The following PRKRA variants were observed in gnomAD, a reference collection of about 807,000 sequenced individuals.
PRKRA encodes protein activator of interferon induced protein kinase EIF2AK2.
Under a neutral mutation model 32.4 loss-of-function variants are expected in PRKRA, and 22 were observed. The ratio of observed to expected loss-of-function variants is 0.68; its 90% CI spans 0.49 to 0.97. PRKRA has a LOEUF of 0.97. Among genes scored for constraint, PRKRA ranks in the 50% least tolerant of loss-of-function variants. The pLI is 0.00. For missense variants in PRKRA, 319 were observed against 375.6 expected (o/e 0.85, Z 1.25); for synonymous variants, 139 against 129.8 (o/e 1.07, Z -0.48).
Position 178,436,311 on chromosome 2 carries a change from T to C in PRKRA, c.618A>G (p.Val206=). The change falls in exon 7 of 8, where the codon GTA becomes GTG. Residue 206 remains valine (V), a synonymous_variant. Coordinates refer to ENST00000325748, the MANE Select transcript of PRKRA (RefSeq NM_003690.5). ...SPENHISLTN[V]VGHSLGCTWH... Reference sequence around the variant, plus strand: ...AAGTACATCCTAAAGAATGTCCTACTACATTTGTCTGAAAAACAGAGATGA... The same window carrying C: ...AAGTACATCCTAAAGAATGTCCTACCACATTTGTCTGAAAAACAGAGATGA... The C allele has an allele frequency of 6.2e-7, 1 of 1,613,412 alleles. No individual in the cohort carries two copies. Among genetic ancestry groups the C allele is most frequent in the Non-Finnish European group, 8.5e-7 (1 of 1,179,694 alleles).
intron 4 of PRKRA, 42 bp downstream of exon 4, chr2:178,444,378 CTT>C (rs1559357029): frequency 8.7e-7 from 1 of 1,147,376 alleles, no homozygotes; most frequent in Non-Finnish European, 1.2e-6. Flanking sequence ...ACATTACAAA[CTT>C]ATTATATATT....
intron 7 of PRKRA, among the ~76,000 whole-genome samples, chr2:178,434,318 TC>T (rs978207579): frequency 2.0e-5 from 3 of 151,888 alleles, no homozygotes; most frequent in Admixed American, 1.3e-4. Context: ...ACCGTGTTGG[TC>T]AGGCTGGTCT....
At chr2:178,435,383 C>CAAAAA (rs765962501) in intron 7 of PRKRA, among the ~76,000 whole-genome samples, 4 of 61,436 alleles carry the variant, frequency 6.5e-5, no homozygotes, top group Non-Finnish European at 1.0e-4. Context: ...TACTCCGTCT[C>CAAAAA]AAAAAAAAAA....
At chr2:178,440,764 A>G (rs1376273555) in intron 6 of PRKRA, among the ~76,000 whole-genome samples, 1 of 152,138 alleles carries the variant, frequency 6.6e-6, no homozygotes, top group Non-Finnish European at 1.5e-5. Flanking sequence ...AATTTCACTC[A>G]CTTACCATAA....
chr2:178,433,007 GATTT>G (rs1474763860), intron 7 of PRKRA, among the ~76,000 whole-genome samples: 1 of 152,158 alleles, frequency 6.6e-6, no homozygotes, highest in African/African-American at 2.4e-5. Flanking sequence ...TGTGCGGTAT[GATTT>G]ATTTGAAGTA....
chr2:178,451,109 G>A lies in PRKRA; in HGVS notation c.-79C>T, dbSNP rs1410237530. 4 of 1,476,498 alleles carry A rather than the reference G, an allele frequency of 2.7e-6. No individual in the cohort carries two copies. Among genetic ancestry groups the A allele is most frequent in the South Asian group, 1.3e-5 (1 of 79,482 alleles). The allele number at this position is 1,476,498 out of a possible 1,614,324, so 91.5% of individuals were successfully genotyped here. A position where few individuals can be genotyped will look rare whatever the true frequency, so the allele number is the denominator to read the frequency against. On this transcript the variant is annotated 5_prime_UTR_variant, in exon 1 of 8. Coordinates refer to ENST00000325748, the MANE Select transcript of PRKRA (RefSeq NM_003690.5). ...TCGCTCCCCGGGTCGCTGGTCCCCG[G>A]GAGGAGCTCCAGCGCCGCCACCTCC...
intron 7 of PRKRA, 75 bp from the exon 8 acceptor site, chr2:178,432,329 ATTC>A: frequency 7.7e-7 from 1 of 1,294,048 alleles, no homozygotes. Flanking sequence ...AAACAATACA[ATTC>A]TTATTATTGT....
chr2:178,441,887 C>CTTTTTTTTT (rs541455452), intron 5 of PRKRA, among the ~76,000 whole-genome samples, 183 bp from the exon 6 acceptor site: 1 of 131,748 alleles, frequency 7.6e-6, no homozygotes, highest in Non-Finnish European at 1.6e-5. Context: ...GCTATTAATT[C>CTTTTTTTTT]TTTTTTTTTT....
intron 1 of PRKRA, 168 bp from the exon 2 acceptor site, chr2:178,450,579 T>C (rs1697551326): frequency 1.1e-5 from 16 of 1,502,194 alleles, no homozygotes; most frequent in Non-Finnish European, 1.4e-5. Flanking sequence ...CCGGCCCCGC[T>C]GCGGCAGTCA....
Position 178,431,796 on chromosome 2 carries a change from TA to T in PRKRA, c.*300del. 5 of 415,940 alleles carry T rather than the reference TA, an allele frequency of 1.2e-5. No homozygotes were observed. In the South Asian group the frequency reaches 1.3e-4, roughly 11 times the overall value. The allele number at this position is 415,940 out of a possible 1,614,324, so 25.8% of individuals were successfully genotyped here. ...TAAGAAAGACTGTCGCTAGCATTTT[TA>T]TTTCATCATCAACAACAAACATGCA... On this transcript the variant is annotated 3_prime_UTR_variant, in exon 8 of 8. Coordinates refer to ENST00000325748, the MANE Select transcript of PRKRA (RefSeq NM_003690.5).
At position 178,444,465 on chromosome 2, in the gene PRKRA, G is replaced by T; in HGVS notation, c.353C>A (p.Ser118Tyr). The change falls in exon 4 of 8, where the codon TCC becomes TAC. Residue 118 changes from serine to tyrosine, a missense_variant. Coordinates refer to ENST00000325748, the MANE Select transcript of PRKRA (RefSeq NM_003690.5). ...AVPDPLMPDP[S>Y]KQPKNQLNPI... ...ATTAAGCTGGTTCTTTGGTTGCTTGGAAGGGTCAGGCATTAAGGGGTCAGG... is the reference window on the plus strand; with the variant it reads ...ATTAAGCTGGTTCTTTGGTTGCTTGTAAGGGTCAGGCATTAAGGGGTCAGG... 1.2e-6 allele frequency: 2 copies of T among 1,607,246 alleles called. No homozygotes were observed. The highest frequency in any genetic ancestry group is 2.2e-5 in the East Asian group (1 of 44,844).
intron 2 of PRKRA, among the ~76,000 whole-genome samples, 175 bp from the exon 3 acceptor site, chr2:178,447,761 G>C (rs1393332764): frequency 6.6e-6 from 1 of 151,836 alleles, no homozygotes; most frequent in Non-Finnish European, 1.5e-5. Context: ...TATACTACAT[G>C]GTTATATACT....
intron 7 of PRKRA, 78 bp from the exon 8 acceptor site, chr2:178,432,332 C>T: frequency 7.8e-7 from 1 of 1,284,850 alleles, no homozygotes; most frequent in East Asian, 4.2e-5. Flanking sequence ...CAATACAATT[C>T]TTATTATTGT....
At position 178,437,094 on chromosome 2, in the gene PRKRA, C is replaced by T. The variant is rs1273183806; in HGVS notation, c.610-775G>A. 2.0e-5 allele frequency among the ~76,000 whole-genome samples: 3 copies of T among 151,902 alleles called. No homozygotes were observed. In the East Asian group the frequency reaches 5.8e-4, roughly 29 times the overall value. On this transcript the variant is annotated intron_variant, in intron 6 of 7. Transcript: ENST00000325748. ...CTTAATATTGTTTTATTAATGAGCA[C>T]GACAGAGGGGAGGCAATTTCCAAAA...
intron 5 of PRKRA, among the ~76,000 whole-genome samples, chr2:178,442,008 C>T (rs1343400544): frequency 6.6e-6 from 1 of 151,638 alleles, no homozygotes; most frequent in African/African-American, 2.4e-5. Context: ...GCTTCAGCCT[C>T]CCAAGTAGAT....
chr2:178,432,039 A>G lies in PRKRA; in HGVS notation c.*58T>C. The G allele has an allele frequency of 6.3e-7, 1 of 1,576,158 alleles. No homozygotes were observed. Among genetic ancestry groups the G allele is most frequent in the Non-Finnish European group, 8.7e-7 (1 of 1,148,150 alleles). Reference sequence around the variant, plus strand: ...ACTACGGTAAAAGTTTTACTTGGGAAGGGGCCAGAGGGGAACTTTTTATGT... The same window carrying G: ...ACTACGGTAAAAGTTTTACTTGGGAGGGGGCCAGAGGGGAACTTTTTATGT... On this transcript the variant is annotated 3_prime_UTR_variant, in exon 8 of 8. Coordinates refer to ENST00000325748, the MANE Select transcript of PRKRA (RefSeq NM_003690.5).
chr2:178,434,310 C>T (rs992651786), intron 7 of PRKRA, among the ~76,000 whole-genome samples: 1 of 151,970 alleles, frequency 6.6e-6, no homozygotes, highest in Non-Finnish European at 1.5e-5. Flanking sequence ...AGGGTTTCAC[C>T]GTGTTGGTCA....
intron 6 of PRKRA, among the ~76,000 whole-genome samples, chr2:178,438,156 C>A (rs1446256271): frequency 6.6e-6 from 1 of 152,032 alleles, no homozygotes; most frequent in African/African-American, 2.4e-5. Context: ...AATCTTTTAA[C>A]CTAGGTTTTA....
intron 2 of PRKRA, 185 bp downstream of exon 2, chr2:178,450,057 A>C: frequency 1.3e-6 from 1 of 795,852 alleles, no homozygotes; most frequent in Non-Finnish European, 2.1e-6. Flanking sequence ...TATGTGGGGA[A>C]GAGAAAATTA....
Sources: gnomAD v4.1 joint callset for allele counts (sites outside exome capture counted in the v4.1 genomes callset) on GRCh38, gnomAD v4.1.1 for gene constraint, MANE v1.5 for transcripts, NCBI Gene and HGNC (gene_info 2026-07-23, HGNC 2026-07-21) for gene names.